The following BOD1L1 variants were observed in gnomAD, a reference collection of about 807,000 sequenced individuals.
BOD1L1 encodes the protein biorientation of chromosomes in cell division 1 like 1.
Under a neutral mutation model 240.7 loss-of-function variants are expected in BOD1L1, and 86 were observed. The observed-to-expected ratio is 0.36, with a 90% CI of 0.30 to 0.43. BOD1L1 has a LOEUF of 0.43. BOD1L1 is among the 20% of genes least tolerant of loss of function. The probability of loss-of-function intolerance (pLI) is 1.00; values close to 1 mark genes in which losing one functional copy is unlikely to be tolerated. For missense variants in BOD1L1, 3,554 were observed against 3,643.5 expected, an observed-to-expected ratio of 0.98 and a Z score of 0.63; for synonymous variants, 1,268 against 1,272.3, an observed-to-expected ratio of 1.00 and a Z score of 0.07.
At chr4:13,621,999 G>C (rs1257656576) in intron 1 of BOD1L1, among the ~76,000 whole-genome samples, 1 of 151,592 alleles carries the variant, frequency 6.6e-6, no homozygotes, top group African/African-American at 2.4e-5. Context: ...TGAGTAGCTG[G>C]GACTACAGGC....
chr4:13,580,919 T>C, intron 21 of BOD1L1, 101 bp downstream of exon 21: 1 of 1,130,268 alleles, frequency 8.8e-7, no homozygotes, highest in Non-Finnish European at 1.2e-6. Context: ...TTAAAGCTTT[T>C]CAAGTAAAAA....
Position 13,604,104 on chromosome 4 carries a change from G to C in BOD1L1, c.2796C>G (p.Ala932=). 1 of 1,613,662 alleles carries C rather than the reference G, an allele frequency of 6.2e-7. No individual in the cohort carries two copies. Among genetic ancestry groups the C allele is most frequent in the Non-Finnish European group, 8.5e-7 (1 of 1,179,840 alleles). ...KVVETELQEG[A]TKQATTPKPD... is the part of the protein sequence containing the mutation. ...GTTTTGGAGTGGTTGCCTGTTTTGT[G>C]GCACCTTCTTGTAATTCTGTTTCTA... Residue 932 remains alanine (A), a synonymous_variant, in exon 10 of 26, where the codon GCC becomes GCG. Coordinates refer to ENST00000040738, the MANE Select transcript of BOD1L1 (RefSeq NM_148894.3).
At chr4:13,573,954 G>A (rs1218821130) in intron 25 of BOD1L1, among the ~76,000 whole-genome samples, 2 of 152,300 alleles carry the variant, frequency 1.3e-5, no homozygotes, top group South Asian at 2.1e-4. Context: ...TGGGATTACA[G>A]GCATGAGCCA....
chr4:13,606,639 T>C (rs1252481385), intron 9 of BOD1L1, among the ~76,000 whole-genome samples: 1 of 152,192 alleles, frequency 6.6e-6, no homozygotes, highest in Non-Finnish European at 1.5e-5. Context: ...ATGTACATTA[T>C]ATGTAACACT....
In BOD1L1 at chr4:13,576,927, CTCTT is replaced by C; in HGVS notation, c.8945_8948del (p.Lys2982SerfsTer64). ...CTTCCTCTTCCTCATCAGACTCCTG[CTCTT>C]TCTTGTCCTCCACTGGATCAGAAAC... On this transcript the variant is annotated frameshift_variant, in exon 25 of 26. Transcript: ENST00000040738. LOFTEE classifies it high-confidence loss of function. The C allele has an allele frequency of 6.2e-7, 1 of 1,614,008 alleles. No homozygotes were observed. Among genetic ancestry groups the C allele is most frequent in the Non-Finnish European group, 8.5e-7 (1 of 1,179,888 alleles).
chr4:13,617,435 A>G (rs1716701041), intron 2 of BOD1L1, among the ~76,000 whole-genome samples: 1 of 152,120 alleles, frequency 6.6e-6, no homozygotes. Context: ...AGAAAAATGG[A>G]GTCCAGTACC....
At chr4:13,570,182 T>A in intron 25 of BOD1L1, 54 bp from the exon 26 acceptor site, 2 of 1,299,362 alleles carry the variant, frequency 1.5e-6, no homozygotes, top group Non-Finnish European at 2.1e-6. Context: ...CTGCTTCAAA[T>A]AACTTGGGAG....
At chr4:13,579,387 T>C (rs1577313820) in intron 22 of BOD1L1, among the ~76,000 whole-genome samples, 1 of 152,230 alleles carries the variant, frequency 6.6e-6, no homozygotes, top group African/African-American at 2.4e-5. Context: ...CGATCACACA[T>C]AGTTAAATGT....
chr4:13,622,487 T>C (rs1414969957), intron 1 of BOD1L1, among the ~76,000 whole-genome samples: 1 of 152,222 alleles, frequency 6.6e-6, no homozygotes, highest in East Asian at 1.9e-4. Context: ...CCACCCTTTC[T>C]TCCTTTTCCA....
intron 2 of BOD1L1, among the ~76,000 whole-genome samples, chr4:13,618,272 A>C (rs1716772738): frequency 6.6e-6 from 1 of 152,242 alleles, no homozygotes; most frequent in Admixed American, 6.5e-5. Context: ...TCCCAAAAAA[A>C]CATGCTTTTA....
intron 5 of BOD1L1, among the ~76,000 whole-genome samples, chr4:13,612,778 T>C (rs1014783827): frequency 6.6e-6 from 1 of 151,570 alleles, no homozygotes; most frequent in Non-Finnish European, 1.5e-5. Context: ...AGGGTCGGAG[T>C]GTTGGGTCAT....
chr4:13,604,460 T>C lies in BOD1L1; in HGVS notation c.2440A>G (p.Ile814Val), dbSNP rs1012143127. ...TTACGAACATTCTCATCTGTTTTTA[T>C]AATATATTCAGAAACTGGCTTTCCA... ...KDGKPVSEYI[I>V]KTDENVRKEN... is the part of the protein sequence containing the mutation. Residue 814 changes from isoleucine (I) to valine (V), a missense_variant, in exon 10 of 26, where the codon ATA (isoleucine) becomes GTA (valine). By Grantham distance (29) the Ile-to-Val change is conservative. Coordinates refer to ENST00000040738, the MANE Select transcript of BOD1L1 (RefSeq NM_148894.3). The C allele has an allele frequency of 1.9e-6, 3 of 1,549,120 alleles. No individual in the cohort carries two copies. Among genetic ancestry groups the C allele is most frequent in the Non-Finnish European group, 2.6e-6 (3 of 1,158,270 alleles).
At chr4:13,609,778 A>ATATATCTAT (rs1560211317) in intron 6 of BOD1L1, among the ~76,000 whole-genome samples, 5 of 152,202 alleles carry the variant, frequency 3.3e-5, no homozygotes, top group African/African-American at 1.2e-4. Flanking sequence ...ATATATAGGT[A>ATATATCTAT]GGTGTTTATA....
At chr4:13,595,768 T>TTAC in intron 12 of BOD1L1, 92 bp downstream of exon 12, 1 of 930,862 alleles carries the variant, frequency 1.1e-6, no homozygotes, top group South Asian at 1.5e-5. Flanking sequence ...AGCCTGTATG[T>TTAC]TACTATGCAT....
At chr4:13,619,384 G>T (rs1354624932) in intron 2 of BOD1L1, among the ~76,000 whole-genome samples, 3 of 149,302 alleles carry the variant, frequency 2.0e-5, no homozygotes, top group Non-Finnish European at 4.4e-5. Flanking sequence ...TCTTATAATT[G>T]TCATTACCTT....
At chr4:13,621,806 C>G (rs1459770031) in intron 1 of BOD1L1, among the ~76,000 whole-genome samples, 1 of 151,874 alleles carries the variant, frequency 6.6e-6, no homozygotes, top group Non-Finnish European at 1.5e-5. Context: ...TCCTGTCCTA[C>G]ATGATCATTT....
chr4:13,587,816 C>T (rs912942434), intron 15 of BOD1L1, 45 bp from the exon 16 acceptor site: 17 of 1,282,352 alleles, frequency 1.3e-5, no homozygotes, highest in Admixed American at 4.1e-5. Flanking sequence ...AATCTTGATT[C>T]AAATAAACTG....
At chr4:13,592,016 A>C in intron 12 of BOD1L1, 50 bp from the exon 13 acceptor site, 1 of 1,376,082 alleles carries the variant, frequency 7.3e-7, no homozygotes, top group East Asian at 2.5e-5. Context: ...TTGTTTCTGA[A>C]ATGCAGAGAA....
At position 13,600,291 on chromosome 4, in the gene BOD1L1, A is replaced by C; in HGVS notation, c.6609T>G (p.Ser2203Arg). The change falls in exon 10 of 26, where the codon AGT becomes AGG. Residue 2203 changes from serine to arginine, a missense_variant. Ser to Arg is a moderately radical substitution (Grantham distance 110). Transcript: ENST00000040738. ...CCTCCTTGCTGGTTGAGGCAAGAGGACTTTCAGCTTCTGGGGGCGCACTGG... is the reference window on the plus strand; with the variant it reads ...CCTCCTTGCTGGTTGAGGCAAGAGGCCTTTCAGCTTCTGGGGGCGCACTGG... ...PMPSAPPEAESPLASTSKEEK... is the reference protein window; with the variant it reads ...PMPSAPPEAERPLASTSKEEK... The C allele has an allele frequency of 6.2e-7, 1 of 1,613,992 alleles. No homozygotes were observed.
Sources: allele counts gnomAD v4.1 joint callset (sites outside exome capture counted in the v4.1 genomes callset), GRCh38; gene constraint gnomAD v4.1.1; transcripts MANE v1.5; gene names NCBI Gene and HGNC (gene_info 2026-07-23, HGNC 2026-07-21).